The following PI4KA variants were observed in gnomAD, a reference collection of about 807,000 sequenced individuals.
PI4KA encodes phosphatidylinositol 4-kinase alpha.
PI4KA carries 122 observed loss-of-function variants against 271.4 expected under a neutral mutation model. The observed-to-expected ratio is 0.45, with a 90% CI of 0.39 to 0.52. The LOEUF (loss-of-function observed/expected upper bound fraction) is 0.52. Ranked by LOEUF, PI4KA falls within the 20% of genes least tolerant of loss-of-function variation. The pLI, the probability that PI4KA is intolerant of heterozygous loss-of-function variation, is 0.00. For synonymous variants in PI4KA, 1,041 were observed against 1,078.8 expected (o/e 0.96, Z 0.69); for missense variants, 1,969 against 2,769.1 (o/e 0.71, Z 6.48).
At chr22:20,763,813 G>A (rs1455774594) in intron 22 of PI4KA, among the ~76,000 whole-genome samples, 1 of 152,198 alleles carries the variant, frequency 6.6e-6, no homozygotes, top group African/African-American at 2.4e-5. Context: ...TGGGGAGAAT[G>A]CGTCACTGAT....
At chr22:20,799,425 C>A in intron 15 of PI4KA, 149 bp from the exon 16 acceptor site, 1 of 802,492 alleles carries the variant, frequency 1.2e-6, no homozygotes. Flanking sequence ...ATTTTAACCA[C>A]GGGCAGAAAC....
At chr22:20,763,605 A>G (rs889907769) in intron 22 of PI4KA, among the ~76,000 whole-genome samples, 2 of 151,892 alleles carry the variant, frequency 1.3e-5, no homozygotes, top group African/African-American at 4.8e-5. Context: ...ACATCTGGCT[A>G]ATTTTTGTAT....
In PI4KA at chr22:20,712,515, C is replaced by G; in HGVS notation, c.5773G>C (p.Gly1925Arg). The G allele has an allele frequency of 6.2e-7, 1 of 1,605,126 alleles. No individual in the cohort carries two copies. The highest frequency in any genetic ancestry group is 8.5e-7 in the Non-Finnish European group (1 of 1,176,866). The change falls in exon 50 of 55, where the codon GGG (glycine) becomes CGG (arginine). Residue 1925 changes from glycine to arginine, a missense_variant. Transcript: ENST00000255882. Reference sequence around the variant, plus strand: ...TGGAAGGCCAGAGTGGACTCATCCCCGTACTGGCGTGTGAAGTAGTCGTAC... The same window carrying G: ...TGGAAGGCCAGAGTGGACTCATCCCGGTACTGGCGTGTGAAGTAGTCGTAC... ...GMYDYFTRQY[G>R]DESTLAFQQA...
chr22:20,742,119 G>T, intron 32 of PI4KA, 109 bp downstream of exon 32: 2 of 1,119,502 alleles, frequency 1.8e-6, no homozygotes, highest in Non-Finnish European at 2.6e-6. Flanking sequence ...TTGAGAAGGT[G>T]AGGGGCTTGC....
intron 19 of PI4KA, chr22:20,786,113 G>A (rs745436085): frequency 6.2e-7 from 1 of 1,614,106 alleles, no homozygotes; most frequent in East Asian, 2.2e-5. Context: ...TGGCAACATG[G>A]CAGGCATCTC....
At chr22:20,715,977 A>G (rs927287768) in intron 45 of PI4KA, among the ~76,000 whole-genome samples, 1 of 151,090 alleles carries the variant, frequency 6.6e-6, no homozygotes, top group African/African-American at 2.4e-5. Context: ...TGCAACCTCC[A>G]CCTCCTGGGT....
chr22:20,781,274 T>C (rs2147490626), intron 19 of PI4KA, among the ~76,000 whole-genome samples: 1 of 152,286 alleles, frequency 6.6e-6, no homozygotes, highest in East Asian at 1.9e-4. Flanking sequence ...AAGAAACCTC[T>C]ACTTTACTCT....
rs994852137 is a variant in PI4KA, at chr22:20,741,993, C to T, written c.3741+235G>A. Among the ~76,000 whole-genome samples, 21 of 152,176 alleles carry T rather than the reference C, an allele frequency of 1.4e-4. 1 individual carries two copies. The highest frequency in any genetic ancestry group is 4.8e-4 in the African/African-American group (20 of 41,434). ...CCAATTTCAGTAGAGAAATGGCTCC[C>T]CCTACCGAGGTTTTGGGAGATAACG... is the stretch of plus-strand genomic sequence containing the variant. On this transcript the variant is annotated intron_variant, in intron 32 of 54. Coordinates refer to ENST00000255882, the MANE Select transcript of PI4KA (RefSeq NM_058004.4).
chr22:20,855,019 G>C (rs1927418343), intron 1 of PI4KA, among the ~76,000 whole-genome samples: 2 of 152,026 alleles, frequency 1.3e-5, no homozygotes, highest in Admixed American at 6.6e-5. Flanking sequence ...GGGTGTGGTG[G>C]CAGGTGCCTG....
chr22:20,726,723 G>C (rs1927392390), intron 41 of PI4KA, among the ~76,000 whole-genome samples, 182 bp from the exon 42 acceptor site: 1 of 152,258 alleles, frequency 6.6e-6, no homozygotes, highest in Non-Finnish European at 1.5e-5. Context: ...ACAGGTAAAA[G>C]GAGCAAGGCT....
At chr22:20,710,307 C>T (rs1925088423) in intron 52 of PI4KA, 3 of 538,080 alleles carry the variant, frequency 5.6e-6, no homozygotes, top group Non-Finnish European at 1.0e-5. Flanking sequence ...CCTTTCTCTG[C>T]AGGGCAGTGG....
chr22:20,770,938 G>A (rs1259048234), intron 19 of PI4KA, among the ~76,000 whole-genome samples: 3 of 152,150 alleles, frequency 2.0e-5, no homozygotes, highest in Non-Finnish European at 4.4e-5. Context: ...CCAGCTCTTT[G>A]GGAGGCCAAG....
chr22:20,762,612 C>G (rs960106508), intron 22 of PI4KA, among the ~76,000 whole-genome samples: 3 of 152,170 alleles, frequency 2.0e-5, no homozygotes, highest in African/African-American at 7.2e-5. Context: ...GCCTTCAAAC[C>G]ACATGAGGTT....
At chr22:20,828,192 T>C (rs1923691182) in intron 3 of PI4KA, among the ~76,000 whole-genome samples, 1 of 152,250 alleles carries the variant, frequency 6.6e-6, no homozygotes. Flanking sequence ...TTCTGATTTT[T>C]GTACATTGAT....
chr22:20,771,747 A>G (rs1216479869), intron 19 of PI4KA, among the ~76,000 whole-genome samples: 1 of 151,864 alleles, frequency 6.6e-6, no homozygotes, highest in East Asian at 1.9e-4. Context: ...ACACCCAGCT[A>G]ATTTTTGTAT....
chr22:20,782,502 A>G (rs1375273019), intron 19 of PI4KA, among the ~76,000 whole-genome samples: 1 of 152,186 alleles, frequency 6.6e-6, no homozygotes, highest in African/African-American at 2.4e-5. Flanking sequence ...AATCATCTCC[A>G]TTACTAATTT....
chr22:20,817,756 A>AAAT (rs1922023398), intron 7 of PI4KA, among the ~76,000 whole-genome samples: 4 of 144,838 alleles, frequency 2.8e-5, no homozygotes, highest in Non-Finnish European at 6.1e-5. Flanking sequence ...AAAAAAAAAA[A>AAAT]AAAAAAAAAA....
In PI4KA at chr22:20,800,961, G is replaced by C. The variant is rs555695117; in HGVS notation, c.1724+1012C>G. On this transcript the variant is annotated intron_variant, in intron 14 of 54. Transcript: ENST00000255882. ...GCTGGAGTGCAATGGTACAATCTCG[G>C]CTCACCGCAACCTCCGCCTCCCGGG... Among the ~76,000 whole-genome samples, 17 of 149,160 alleles carry C rather than the reference G, an allele frequency of 1.1e-4. No individual in the cohort carries two copies. In the South Asian group the frequency reaches 3.8e-3, roughly 33 times the overall value.
At chr22:20,829,453 GTCTC>G (rs1406170185) in intron 3 of PI4KA, among the ~76,000 whole-genome samples, 1 of 152,044 alleles carries the variant, frequency 6.6e-6, no homozygotes, top group South Asian at 2.1e-4. Flanking sequence ...AGAGGTGTTT[GTCTC>G]TCTGGGTTGG....
Sources: allele counts gnomAD v4.1 joint callset (sites outside exome capture counted in the v4.1 genomes callset), GRCh38; gene constraint gnomAD v4.1.1; transcripts MANE v1.5; gene names NCBI Gene and HGNC (gene_info 2026-07-23, HGNC 2026-07-21).